The following SLC26A2 variants were observed in gnomAD, a reference collection of about 807,000 sequenced individuals.
SLC26A2 encodes the protein solute carrier family 26 member 2.
A neutral mutation model predicts 41.1 loss-of-function variants in SLC26A2; 36 were observed. That is an observed-to-expected ratio of 0.88 (90% CI 0.67 to 1.16). SLC26A2 has a LOEUF of 1.16. Among genes scored for constraint, SLC26A2 ranks in the 50% most tolerant of loss-of-function variants. The probability of loss-of-function intolerance (pLI) is 0.00; values close to 1 mark genes in which losing one functional copy is unlikely to be tolerated. For synonymous variants in SLC26A2, 291 were observed against 311.6 expected (o/e 0.93, Z 0.70); for missense variants, 796 against 869.6 (o/e 0.92, Z 1.07).
chr5:149,980,839 C>T lies in SLC26A2; in HGVS notation c.1246C>T (p.Gln416Ter), dbSNP rs2113698485. The T allele has an allele frequency of 6.2e-7, 1 of 1,614,050 alleles. No individual in the cohort carries two copies. The highest frequency in any genetic ancestry group is 2.2e-5 in the East Asian group (1 of 44,878). ...ACATGGTTACACAGTCAAAGCAAAC[C>T]AGGAAATGTATGCCATTGGCTTTTG... ...KKHGYTVKAN[Q>*]EMYAIGFCNI... The change falls in exon 3 of 3, where the codon CAG (glutamine) becomes TAG (stop). Residue 416 changes from glutamine to a stop codon, truncating the protein, a stop_gained. Transcript: ENST00000286298. LOFTEE classifies it high-confidence loss of function.
chr5:149,978,489 G>C, intron 2 of SLC26A2, 138 bp downstream of exon 2: 1 of 829,032 alleles, frequency 1.2e-6, no homozygotes, highest in Non-Finnish European at 2.0e-6. Flanking sequence ...AAGGGTAGAG[G>C]CAAAATTCAA....
At position 149,980,825 on chromosome 5, in the gene SLC26A2, C is replaced by T; in HGVS notation, c.1232C>T (p.Thr411Ile). Reference protein sequence around the residue: ...SEMFAKKHGYTVKANQEMYAI... With the variant: ...SEMFAKKHGYIVKANQEMYAI... ...ATGTTTGCCAAGAAACATGGTTACA[C>T]AGTCAAAGCAAACCAGGAAATGTAT... Residue 411 changes from threonine (T) to isoleucine (I), a missense_variant, in exon 3 of 3, where the codon ACA (threonine) becomes ATA (isoleucine). By Grantham distance (89) the Thr-to-Ile change is moderately conservative (BLOSUM62 -1). Transcript: ENST00000286298. The T allele has an allele frequency of 6.2e-7, 1 of 1,614,114 alleles. No homozygotes were observed. The highest frequency in any genetic ancestry group is 8.5e-7 in the Non-Finnish European group (1 of 1,180,012).
rs1755150757 is a variant in SLC26A2 at position 149,984,020 on chromosome 5, A to G, written c.*2207A>G. ...AGCCAACACCAACACAGCAAAAAATATAATTCCAGCCAAAGATTCTGGAAA... is the reference window on the plus strand; with the variant it reads ...AGCCAACACCAACACAGCAAAAAATGTAATTCCAGCCAAAGATTCTGGAAA... On this transcript the variant is annotated 3_prime_UTR_variant, in exon 3 of 3. Coordinates refer to ENST00000286298, the MANE Select transcript of SLC26A2 (RefSeq NM_000112.4). 1 of 152,286 alleles carries G rather than the reference A, an allele frequency of 6.6e-6. No homozygotes were observed. The allele number at this position is 152,286 out of a possible 1,614,324, so 9.4% of individuals were successfully genotyped here.
chr5:149,976,313 C>G (rs1397199698), intron 1 of SLC26A2, among the ~76,000 whole-genome samples: 1 of 152,180 alleles, frequency 6.6e-6, no homozygotes, highest in Non-Finnish European at 1.5e-5. Context: ...CCTCCAGGAG[C>G]TAGAGAGATT....
In SLC26A2 at chr5:149,977,643, A is replaced by C. The variant is rs1291719089; in HGVS notation, c.-10A>C. 1 of 1,591,562 alleles carries C rather than the reference A, an allele frequency of 6.3e-7. No homozygotes were observed. Among genetic ancestry groups the C allele is most frequent in the East Asian group, 2.2e-5 (1 of 44,770 alleles). ...TCTGGTGTAGGAAGCTGAACCATCTATCTCCAGAAATGTCTTCAGAAAGTA... is the reference window on the plus strand; with the variant it reads ...TCTGGTGTAGGAAGCTGAACCATCTCTCTCCAGAAATGTCTTCAGAAAGTA... On this transcript the variant is annotated 5_prime_UTR_variant, in exon 2 of 3. Transcript: ENST00000286298.
At chr5:149,978,425 T>A in intron 2 of SLC26A2, 74 bp downstream of exon 2, 1 of 1,164,308 alleles carries the variant, frequency 8.6e-7, no homozygotes, top group South Asian at 1.2e-5. Context: ...CTCTAAGGGA[T>A]CTGAGGAATC....
In SLC26A2 at chr5:149,985,473, A is replaced by AATGCT. The variant is rs997842735; in HGVS notation, c.*3662_*3666dup. On this transcript the variant is annotated 3_prime_UTR_variant, in exon 3 of 3. Coordinates refer to ENST00000286298, the MANE Select transcript of SLC26A2 (RefSeq NM_000112.4). Reference sequence around the variant, plus strand: ...TTAGATGAGTTCATTAGACTCTTTTAATGCTAATGGCTAGTACGTTTAAAC... The same window carrying AATGCT: ...TTAGATGAGTTCATTAGACTCTTTTAATGCTATGCTAATGGCTAGTACGTTTAAAC... 7.9e-5 allele frequency: 12 copies of AATGCT among 152,318 alleles called. No individual in the cohort carries two copies. The highest frequency in any genetic ancestry group is 3.4e-3 in the Middle Eastern group (1 of 294). The allele number at this position is 152,318 out of a possible 1,614,324, so 9.4% of individuals were successfully genotyped here.
At chr5:149,961,261 G>C (rs1484240708) in intron 1 of SLC26A2, among the ~76,000 whole-genome samples, 2 of 152,074 alleles carry the variant, frequency 1.3e-5, no homozygotes, top group Non-Finnish European at 2.9e-5. Flanking sequence ...CGGGTGCCAC[G>C]CACTCCGCTG....
chr5:149,981,753 A>C lies in SLC26A2; in HGVS notation c.2160A>C (p.Glu720Asp). ...TGTATGAAGCGATGGCTTTTGCAGA[A>C]GTATCTAAAAATCAGAAAGGAGTAT... ...YSVYEAMAFA[E>D]VSKNQKGVCV... is the part of the protein sequence containing the mutation. Residue 720 changes from glutamate (E) to aspartate (D), a missense_variant, in exon 3 of 3, where the codon GAA (glutamate) becomes GAC (aspartate). Transcript: ENST00000286298. The C allele has an allele frequency of 1.2e-6, 2 of 1,611,476 alleles. No homozygotes were observed. The highest frequency in any genetic ancestry group is 2.2e-5 in the South Asian group (2 of 90,394).
rs1347042486 is a variant in SLC26A2 at position 149,987,001 on chromosome 5, C to A, written c.*5188C>A. 6.6e-6 allele frequency: 1 copy of A among 152,050 alleles called. No homozygotes were observed. The highest frequency in any genetic ancestry group is 1.5e-5 in the Non-Finnish European group (1 of 67,984). 9.4% of individuals were successfully genotyped at this position (152,050 alleles called of 1,614,324 possible). ...GTAATAGGCTACCTTTTTTTGTCTT[C>A]TTTGGAACTTTGTACACAAACCAAG... On this transcript the variant is annotated 3_prime_UTR_variant, in exon 3 of 3. Coordinates refer to ENST00000286298, the MANE Select transcript of SLC26A2 (RefSeq NM_000112.4).
At chr5:149,973,562 C>A (rs1754940302) in intron 1 of SLC26A2, among the ~76,000 whole-genome samples, 1 of 151,978 alleles carries the variant, frequency 6.6e-6, no homozygotes, top group African/African-American at 2.4e-5. Context: ...CCGTTCCCCC[C>A]ACATATATAT....
chr5:149,961,530 T>G (rs992344740), intron 1 of SLC26A2, among the ~76,000 whole-genome samples: 7 of 152,160 alleles, frequency 4.6e-5, no homozygotes, highest in Admixed American at 3.3e-4. Flanking sequence ...CCCAGAGCCT[T>G]GCCTAAAAAT....
chr5:149,980,181 G>T (rs751948467), intron 2 of SLC26A2, 112 bp from the exon 3 acceptor site: 44 of 850,796 alleles, frequency 5.2e-5, no homozygotes, highest in Non-Finnish European at 8.3e-5. Flanking sequence ...TTCTAGCTCT[G>T]ACATTCTGTG....
intron 2 of SLC26A2, among the ~76,000 whole-genome samples, chr5:149,979,458 A>G (rs185571100): frequency 6.6e-6 from 1 of 152,256 alleles, no homozygotes; most frequent in Admixed American, 6.5e-5. Context: ...GGGTCTCTCT[A>G]TGACCAAACT....
Position 149,981,011 on chromosome 5 carries a change from C to G in SLC26A2, c.1418C>G (p.Pro473Arg), listed in dbSNP as rs1268772271. Residue 473 changes from proline to arginine, a missense_variant, in exon 3 of 3, where the codon CCT (proline) becomes CGT (arginine). Pro to Arg is a moderately radical substitution (Grantham distance 103). Transcript: ENST00000286298. ...VLLLVLLVIA[P>R]LFYSLQKSVL... ...TTGTTGGTCCTCCTAGTAATAGCTC[C>G]TTTGTTCTATTCCCTTCAAAAAAGT... is the stretch of plus-strand genomic sequence containing the variant. The G allele has an allele frequency of 6.2e-7, 1 of 1,613,994 alleles. No individual in the cohort carries two copies. Among genetic ancestry groups the G allele is most frequent in the East Asian group, 2.2e-5 (1 of 44,892 alleles).
chr5:149,985,357 G>A lies in SLC26A2; in HGVS notation c.*3544G>A, dbSNP rs1755181411. On this transcript the variant is annotated 3_prime_UTR_variant, in exon 3 of 3. Transcript: ENST00000286298. ...AAGGAAAACAAGATTTAGATAGTCT[G>A]ACTTTGCTTTTGAACAACAGACATT... 2 of 152,108 alleles carry A rather than the reference G, an allele frequency of 1.3e-5. No homozygotes were observed. Among genetic ancestry groups the A allele is most frequent in the Admixed American group, 1.3e-4 (2 of 15,264 alleles). 9.4% of individuals were successfully genotyped at this position (152,108 alleles called of 1,614,324 possible).
chr5:149,968,332 A>G (rs1232333356), intron 1 of SLC26A2, among the ~76,000 whole-genome samples: 1 of 152,238 alleles, frequency 6.6e-6, no homozygotes, highest in African/African-American at 2.4e-5. Context: ...AGGAACCACC[A>G]AACTGTTTTT....
chr5:149,965,895 CTTTA>C (rs1397054228), intron 1 of SLC26A2, among the ~76,000 whole-genome samples: 1 of 152,032 alleles, frequency 6.6e-6, no homozygotes, highest in Non-Finnish European at 1.5e-5. Context: ...TAATCTGAAC[CTTTA>C]TTTATTTATT....
intron 1 of SLC26A2, among the ~76,000 whole-genome samples, chr5:149,969,523 T>C (rs774514486): frequency 6.6e-6 from 1 of 152,226 alleles, no homozygotes; most frequent in Non-Finnish European, 1.5e-5. Context: ...TATATCATCC[T>C]TCCTTTTGTG....
Sources: gnomAD v4.1 joint callset for allele counts (sites outside exome capture counted in the v4.1 genomes callset) on GRCh38, gnomAD v4.1.1 for gene constraint, MANE v1.5 for transcripts, NCBI Gene and HGNC (gene_info 2026-07-23, HGNC 2026-07-21) for gene names.